SULT1A2: variants seen among roughly 807,000 people sequenced by gnomAD.
The protein encoded by SULT1A2 is sulfotransferase family 1A member 2.
A neutral mutation model predicts 36.0 loss-of-function variants in SULT1A2; 33 were observed. The ratio of observed to expected loss-of-function variants is 0.92; its 90% confidence interval spans 0.69 to 1.22. SULT1A2 has a LOEUF of 1.22. Among genes scored for constraint, SULT1A2 ranks in the 50% most tolerant of loss-of-function variants. The probability of loss-of-function intolerance (pLI) is 0.00; values close to 1 mark genes in which losing one functional copy is unlikely to be tolerated. For missense variants in SULT1A2, 367 were observed against 383.2 expected, an observed-to-expected ratio of 0.96 and a Z score of 0.35; for synonymous variants, 138 against 144.5, an observed-to-expected ratio of 0.96 and a Z score of 0.32.
Position 28,592,407 on chromosome 16 carries a change from C to T in SULT1A2, c.631G>A (p.Val211Met). Reference protein sequence around the residue: ...KREIQKILEFVGRSLPEETVD... With the variant: ...KREIQKILEFMGRSLPEETVD... ...GTCTCCTCTGGCAGGGAGCGCCCCA[C>T]AAACTCCAGGATCTTTTGAATCTCC... Residue 211 changes from valine (V) to methionine (M), a missense_variant, in exon 7 of 8, where the codon GTG becomes ATG. Coordinates refer to ENST00000335715, the MANE Select transcript of SULT1A2 (RefSeq NM_001054.4). The T allele has an allele frequency of 6.2e-7, 1 of 1,614,160 alleles. No homozygotes were observed. The highest frequency in any genetic ancestry group is 1.3e-5 in the African/African-American group (1 of 75,064).
rs11569765 is a variant in SULT1A2 at position 28,592,254 on chromosome 16, G to A, written c.775+9C>T. On this transcript the variant is annotated intron_variant, in intron 7 of 7. Coordinates refer to ENST00000335715, the MANE Select transcript of SULT1A2 (RefSeq NM_001054.4). ...CCTGCTCCAAACCCCCGTGCTGGCC[G>A]GCACCTACCTTTCCTCATGAAGGGG... 4,768 of 1,613,926 alleles carry A rather than the reference G, an allele frequency of 3.0e-3. 18 individuals are homozygous for A. The highest frequency in any genetic ancestry group is 3.5e-3 in the Non-Finnish European group (4,143 of 1,179,846).
Position 28,597,001 on chromosome 16 carries a change from G to C in SULT1A2, c.-9C>G, listed in dbSNP as rs1332464658. 7.8e-7 allele frequency: 1 copy of C among 1,277,572 alleles called. No individual in the cohort carries two copies. Among genetic ancestry groups the C allele is most frequent in the African/African-American group, 1.5e-5 (1 of 65,498 alleles). 79.1% of individuals were successfully genotyped at this position (1,277,572 alleles called of 1,614,324 possible). A position where few individuals can be genotyped will look rare whatever the true frequency, so the allele number is the denominator to read the frequency against. Reference sequence around the variant, plus strand: ...CCATTCCGGTGTGTCACTCACCTGAGCTCTTGGGAACCTGGCCTTGTGCCC... The same window carrying C: ...CCATTCCGGTGTGTCACTCACCTGACCTCTTGGGAACCTGGCCTTGTGCCC... On this transcript the variant is annotated 5_prime_UTR_variant, in exon 1 of 8. Transcript: ENST00000335715.
intron 2 of SULT1A2, 44 bp from the exon 3 acceptor site, chr16:28,595,719 A>G (rs1462414440): frequency 1.2e-6 from 2 of 1,612,720 alleles, no homozygotes; most frequent in Non-Finnish European, 1.7e-6. Context: ...TGAGGTGAGC[A>G]TGACCTCGCT....
intron 1 of SULT1A2, chr16:28,596,176 G>A (rs1235382971): frequency 5.9e-6 from 8 of 1,360,988 alleles, no homozygotes; most frequent in Non-Finnish European, 7.7e-6. Flanking sequence ...CAGGGCCTGG[G>A]CCATGGTGCA....
At chr16:28,593,860 T>C (rs1233008876) in intron 4 of SULT1A2, among the ~76,000 whole-genome samples, 1 of 152,162 alleles carries the variant, frequency 6.6e-6, no homozygotes, top group East Asian at 1.9e-4. Flanking sequence ...CCAAATTTTG[T>C]GGGCCTGTGA....
At chr16:28,593,682 A>G in intron 4 of SULT1A2, 114 bp from the exon 5 acceptor site, 1 of 1,553,658 alleles carries the variant, frequency 6.4e-7, no homozygotes, top group Non-Finnish European at 8.7e-7. Flanking sequence ...GACTTGTTTG[A>G]GATCTCACGG....
chr16:28,595,501 G>A (rs1471945220), intron 3 of SULT1A2, 37 bp from the exon 4 acceptor site: 1 of 1,614,128 alleles, frequency 6.2e-7, no homozygotes, highest in Admixed American at 1.7e-5. Context: ...GTGAGCTGAA[G>A]CCCCAGCCCT....
intron 4 of SULT1A2, among the ~76,000 whole-genome samples, chr16:28,594,715 A>G (rs1454241181): frequency 6.9e-6 from 1 of 145,832 alleles, no homozygotes; most frequent in African/African-American, 2.6e-5. Flanking sequence ...GACCTCCGAA[A>G]GTGCTGGTAT....
At chr16:28,596,914 G>T in intron 1 of SULT1A2, 83 bp downstream of exon 1, 1 of 986,010 alleles carries the variant, frequency 1.0e-6, no homozygotes. Flanking sequence ...GGCAGGGATA[G>T]CAGAGGCCTC....
chr16:28,592,352 A>G lies in SULT1A2; in HGVS notation c.686T>C (p.Phe229Ser). 1 of 1,613,868 alleles carries G rather than the reference A, an allele frequency of 6.2e-7. No homozygotes were observed. The highest frequency in any genetic ancestry group is 2.2e-5 in the East Asian group (1 of 44,860). The stretch of plus-strand genomic sequence containing the variant: ...CATAGGGTTCTTCTTCATCTCCTTG[A>G]ACGACGTGTGCTCAACCATGAGGTC... The part of the protein sequence containing the change: ...TVDLMVEHTS[F>S]KEMKKNPMTN... Residue 229 changes from phenylalanine (F) to serine (S), a missense_variant, in exon 7 of 8, where the codon TTC becomes TCC. Coordinates refer to ENST00000335715, the MANE Select transcript of SULT1A2 (RefSeq NM_001054.4).
chr16:28,594,107 TGG>T (rs141661622), intron 4 of SULT1A2, among the ~76,000 whole-genome samples: 2 of 126,260 alleles, frequency 1.6e-5, no homozygotes, highest in African/African-American at 5.7e-5. Context: ...TTTTTTTTTT[TGG>T]GGGGGGGGAC....
rs768575823 is a variant in SULT1A2 at position 28,592,000 on chromosome 16, C to T, written c.*28G>A. Reference sequence around the variant, plus strand: ...CTTGGTCAGGCTTGATTCGCACACTCCCTCTGCAGTGACTCCAGGAACCCC... The same window carrying T: ...CTTGGTCAGGCTTGATTCGCACACTTCCTCTGCAGTGACTCCAGGAACCCC... On this transcript the variant is annotated 3_prime_UTR_variant, in exon 8 of 8. Coordinates refer to ENST00000335715, the MANE Select transcript of SULT1A2 (RefSeq NM_001054.4). 3 of 1,611,936 alleles carry T rather than the reference C, an allele frequency of 1.9e-6. No homozygotes were observed. The highest frequency in any genetic ancestry group is 2.5e-6 in the Non-Finnish European group (3 of 1,179,840).
chr16:28,595,614 A>T lies in SULT1A2; in HGVS notation c.210T>A (p.Cys70Ter), dbSNP rs752465249. ...MIYQGGDLEK[C>*]HRAPIFMRVP... ...CCCGCATGAAGATGGGAGCTCGGTG[A>T]CACTTTTCCAGGTCACCGCCCTGGT... The change falls in exon 3 of 8, where the codon TGT (cysteine) becomes TGA (stop). Residue 70 changes from cysteine to a stop codon, truncating the protein, a stop_gained. Transcript: ENST00000335715. LOFTEE classifies it high-confidence loss of function. 1 of 1,614,178 alleles carries T rather than the reference A, an allele frequency of 6.2e-7. No individual in the cohort carries two copies. Among genetic ancestry groups the T allele is most frequent in the South Asian group, 1.1e-5 (1 of 91,090 alleles).
chr16:28,593,196 T>G lies in SULT1A2; in HGVS notation c.594+56A>C. On this transcript the variant is annotated intron_variant, in intron 6 of 7. Transcript: ENST00000335715. ...TGGCTGGGTGGCCTTGGCAGGTCCC[T>G]GTGAAGTGCCTGCCCCCAGGTGTCA... is the stretch of plus-strand genomic sequence containing the variant. 4.3e-6 allele frequency: 7 copies of G among 1,609,272 alleles called. No homozygotes were observed. The South Asian group carries it at 7.7e-5, about 18-fold the overall frequency.
rs534473389 is a variant in SULT1A2, at chr16:28,593,366, G to T, written c.500-20C>A. The T allele has an allele frequency of 5.6e-6, 9 of 1,614,172 alleles. No individual in the cohort carries two copies. The South Asian group carries it at 7.7e-5, about 14-fold the overall frequency. On this transcript the variant is annotated intron_variant, in intron 5 of 7. Transcript: ENST00000335715. The stretch of plus-strand genomic sequence containing the variant: ...AGGACACTGGAGAAGCGGGCAGGGA[G>T]TGCCGACACAGGGTTGCTGTGCGTT...
chr16:28,596,048 C>T (rs2151667464), intron 1 of SULT1A2, 114 bp from the exon 2 acceptor site: 1 of 1,572,138 alleles, frequency 6.4e-7, no homozygotes, highest in East Asian at 2.2e-5. Flanking sequence ...AGTGACTTGC[C>T]CGCACTCACA....
chr16:28,595,877 G>A lies in SULT1A2; in HGVS notation c.54C>T (p.Val18=). 6.2e-7 allele frequency: 1 copy of A among 1,610,686 alleles called. No individual in the cohort carries two copies. The highest frequency in any genetic ancestry group is 2.2e-5 in the East Asian group (1 of 44,868). Residue 18 remains valine (V), a synonymous_variant, in exon 2 of 8, where the codon GTC becomes GTT. Transcript: ENST00000335715. ...SRPPLEYVKG[V]PLIKYFAEAL... ...CCTCTGCAAAGTACTTGATGAGCGG[G>A]ACCCCCTTCACGTACTCCAGTGGCG... is the stretch of plus-strand genomic sequence containing the variant.
rs776949288 is a variant in SULT1A2 at position 28,595,821 on chromosome 16, C to A, written c.110G>T (p.Arg37Leu). 1.2e-6 allele frequency: 2 copies of A among 1,612,188 alleles called. No individual in the cohort carries two copies. Among genetic ancestry groups the A allele is most frequent in the Middle Eastern group, 3.9e-4 (2 of 5,132 alleles). ...GGTGCTGATGAGCAGGTCATCAGGC[C>A]GGGCCTGGAAGCTCTGCAGGGGCCC... ...ALGPLQSFQA[R>L]PDDLLISTYP... is the part of the protein sequence containing the mutation. The change falls in exon 2 of 8, where the codon CGG (arginine) becomes CTG (leucine). Residue 37 changes from arginine (R) to leucine (L), a missense_variant. Arg to Leu is a moderately radical substitution (Grantham distance 102). Coordinates refer to ENST00000335715, the MANE Select transcript of SULT1A2 (RefSeq NM_001054.4).
rs771344724 is a variant in SULT1A2 at position 28,592,143 on chromosome 16, G to C, written c.776-3C>G. The C allele has an allele frequency of 4.3e-6, 7 of 1,612,198 alleles. No individual in the cohort carries two copies. The highest frequency in any genetic ancestry group is 3.3e-5 in the South Asian group (3 of 90,996). On this transcript the variant is annotated splice_polypyrimidine_tract_variant and splice_region_variant and intron_variant, in intron 7 of 7. Coordinates refer to ENST00000335715, the MANE Select transcript of SULT1A2 (RefSeq NM_001054.4). ...GGTCTTCCAGTCCCCAGCCATGCCT[G>C]GGGGAGGAAGGCAGGGAGCAAAGCT...
Sources: gnomAD v4.1 joint callset for allele counts (sites outside exome capture counted in the v4.1 genomes callset) on GRCh38, gnomAD v4.1.1 for gene constraint, MANE v1.5 for transcripts, NCBI Gene and HGNC (gene_info 2026-07-23, HGNC 2026-07-21) for gene names.